PKHD1L1: variants seen among roughly 807,000 people sequenced by gnomAD.
The protein encoded by PKHD1L1 is PKHD1 like 1, also known as fibrocystin-L.
In PKHD1L1, 434 loss-of-function variants were observed where a neutral mutation model predicts 462.9. The ratio of observed to expected loss-of-function variants is 0.94; its 90% CI spans 0.87 to 1.02. The LOEUF (loss-of-function observed/expected upper bound fraction) is 1.02, where lower values mean the gene tolerates loss of function less well. Among genes scored for constraint, PKHD1L1 ranks in the 50% least tolerant of loss-of-function variants. PKHD1L1 has a pLI of 0.00. For missense variants in PKHD1L1, 5,202 were observed against 5,096.1 expected (o/e 1.02, Z -0.63); for synonymous variants, 1,781 against 1,750.0 (o/e 1.02, Z -0.44).
rs759115274 is a variant in PKHD1L1 at position 109,445,571 on chromosome 8, T to C, written c.5702T>C (p.Ile1901Thr). 5.0e-6 allele frequency: 8 copies of C among 1,611,704 alleles called. No individual in the cohort carries two copies. Among genetic ancestry groups the C allele is most frequent in the Non-Finnish European group, 6.8e-6 (8 of 1,178,718 alleles). Reference protein sequence around the residue: ...MVDVKIFVNTIAYPPLLFTYA... With the variant: ...MVDVKIFVNTTAYPPLLFTYA... ...GATGTTAAAATCTTTGTTAATACAA[T>C]TGCTTATCCACCTTTGCTTTTTACA... Residue 1901 changes from isoleucine (I) to threonine (T), a missense_variant, in exon 38 of 78, where the codon ATT becomes ACT. By Grantham distance (89) the Ile-to-Thr change is moderately conservative (BLOSUM62 -1). This residue lies in a region of PKHD1L1 where 4,497 missense variants were observed against 4,336.8 expected (regional missense o/e 1.04). Coordinates refer to ENST00000378402, the MANE Select transcript of PKHD1L1 (RefSeq NM_177531.6).
intron 43 of PKHD1L1, among the ~76,000 whole-genome samples, chr8:109,453,142 ATGT>A (rs1816633022): frequency 6.6e-6 from 1 of 152,182 alleles, no homozygotes; most frequent in Admixed American, 6.5e-5. Context: ...TTAAAGCTAA[ATGT>A]TGTTTTATGA....
chr8:109,475,850 A>AAAG (rs1817962005), intron 51 of PKHD1L1, among the ~76,000 whole-genome samples: 1 of 150,480 alleles, frequency 6.6e-6, no homozygotes, highest in African/African-American at 2.4e-5. Flanking sequence ...TCCATCTCAA[A>AAAG]AAAAAAAAAA....
intron 74 of PKHD1L1, 143 bp downstream of exon 74, chr8:109,522,480 T>C: frequency 9.4e-7 from 1 of 1,069,166 alleles, no homozygotes; most frequent in South Asian, 2.0e-5. Context: ...TTTTATAGGC[T>C]CGCTAAAATG....
chr8:109,486,875 A>G (rs1818555490), intron 59 of PKHD1L1, 54 bp downstream of exon 59: 12 of 1,483,250 alleles, frequency 8.1e-6, no homozygotes, highest in Non-Finnish European at 1.1e-5. Context: ...TATCTCATCT[A>G]TATGTAGTCA....
At chr8:109,488,220 ATAATGTGTTGGT>A (rs1181980348) in intron 59 of PKHD1L1, among the ~76,000 whole-genome samples, 6 of 151,992 alleles carry the variant, frequency 3.9e-5, no homozygotes, top group African/African-American at 1.4e-4. Flanking sequence ...AGGTTTCAAG[ATAATGTGTTGGT>A]TCCCAAGCAT....
At chr8:109,525,986 G>A (rs1820796035) in intron 76 of PKHD1L1, among the ~76,000 whole-genome samples, 1 of 152,112 alleles carries the variant, frequency 6.6e-6, no homozygotes. Flanking sequence ...AACTTACAGG[G>A]CTGTACAAGT....
chr8:109,420,782 G>A (rs2130645532), intron 23 of PKHD1L1, 92 bp downstream of exon 23: 1 of 1,002,178 alleles, frequency 1.0e-6, no homozygotes, highest in Non-Finnish European at 1.4e-6. Context: ...ATTTTAACAG[G>A]AAAAGACAGC....
intron 74 of PKHD1L1, 141 bp downstream of exon 74, chr8:109,522,478 G>A (rs371766075): frequency 1.9e-5 from 20 of 1,077,406 alleles, no homozygotes; most frequent in Middle Eastern, 3.1e-4. Context: ...CTTTTTATAG[G>A]CTCGCTAAAA....
At chr8:109,473,389 G>T (rs927966627) in intron 50 of PKHD1L1, among the ~76,000 whole-genome samples, 1 of 151,944 alleles carries the variant, frequency 6.6e-6, no homozygotes, top group Non-Finnish European at 1.5e-5. Context: ...GGTGGCACAT[G>T]CCTGTAATCC....
intron 48 of PKHD1L1, among the ~76,000 whole-genome samples, 193 bp downstream of exon 48, chr8:109,462,101 C>T (rs1817169769): frequency 6.6e-6 from 1 of 152,092 alleles, no homozygotes; most frequent in South Asian, 2.1e-4. Flanking sequence ...CACCTCGAAT[C>T]GAATTAATCA....
At chr8:109,451,290 A>C in intron 41 of PKHD1L1, 141 bp downstream of exon 41, 1 of 864,106 alleles carries the variant, frequency 1.2e-6, no homozygotes, top group East Asian at 2.8e-5. Context: ...TTAAGGCAAA[A>C]ATAGTACTAA....
intron 73 of PKHD1L1, among the ~76,000 whole-genome samples, chr8:109,521,782 G>A (rs1417429028): frequency 6.6e-6 from 1 of 152,074 alleles, no homozygotes; most frequent in Non-Finnish European, 1.5e-5. Context: ...TAATATGATC[G>A]ATTCTAACAA....
intron 70 of PKHD1L1, among the ~76,000 whole-genome samples, chr8:109,509,642 T>A (rs944728541): frequency 6.6e-6 from 1 of 151,694 alleles, no homozygotes. Context: ...ATTTTATTTA[T>A]TTTAAAAATA....
In PKHD1L1 at chr8:109,400,360, AATACT is replaced by A. The variant is rs745456779; in HGVS notation, c.1281+19_1281+23del. 68 of 1,607,450 alleles carry A rather than the reference AATACT, an allele frequency of 4.2e-5. No homozygotes were observed. Among genetic ancestry groups the A allele is most frequent in the Non-Finnish European group, 5.7e-5 (67 of 1,175,876 alleles). ...AGAAGATAAGGTAGGGAAGCCTCAG[AATACT>A]ATTTGATACTGTAAAAACATTATGG... On this transcript the variant is annotated intron_variant, in intron 13 of 77. Coordinates refer to ENST00000378402, the MANE Select transcript of PKHD1L1 (RefSeq NM_177531.6).
At chr8:109,461,713 C>T in intron 47 of PKHD1L1, 59 bp from the exon 48 acceptor site, 1 of 1,528,238 alleles carries the variant, frequency 6.5e-7, no homozygotes, top group Non-Finnish European at 8.9e-7. Context: ...ATGAGAAAAT[C>T]TTCAATATAA....
chr8:109,380,098 G>A (rs1812034803), intron 2 of PKHD1L1, among the ~76,000 whole-genome samples: 1 of 152,190 alleles, frequency 6.6e-6, no homozygotes, highest in Non-Finnish European at 1.5e-5. Flanking sequence ...ATGGCTGATA[G>A]CAAGGGGGCA....
intron 57 of PKHD1L1, among the ~76,000 whole-genome samples, 170 bp downstream of exon 57, chr8:109,483,275 T>C (rs1026810983): frequency 6.6e-6 from 1 of 151,546 alleles, no homozygotes; most frequent in Non-Finnish European, 1.5e-5. Context: ...CATTTAAAAA[T>C]TGTGGCTTCA....
At position 109,523,215 on chromosome 8, in the gene PKHD1L1, C is replaced by CTTTTT; in HGVS notation, c.12331-7_12331-3dup. The CTTTTT allele has an allele frequency of 4.2e-6, 6 of 1,442,968 alleles. No homozygotes were observed. The South Asian group carries it at 5.4e-5, about 13-fold the overall frequency. The allele number at this position is 1,442,968 out of a possible 1,614,324, so 89.4% of individuals were successfully genotyped here. ...ACAGGACAATTGTTATAATTATCTACTTTTTTTTTTTTTTTAGGGTAACTG... is the reference window on the plus strand; with the variant it reads ...ACAGGACAATTGTTATAATTATCTACTTTTTTTTTTTTTTTTTTTTAGGGTAACTG... On this transcript the variant is annotated splice_polypyrimidine_tract_variant and intron_variant, in intron 75 of 77. Coordinates refer to ENST00000378402, the MANE Select transcript of PKHD1L1 (RefSeq NM_177531.6).
Position 109,405,039 on chromosome 8 carries a change from G to C in PKHD1L1, c.1578G>C (p.Glu526Asp), listed in dbSNP as rs1477907074. 1 of 1,533,308 alleles carries C rather than the reference G, an allele frequency of 6.5e-7. No homozygotes were observed. 95.0% of individuals were successfully genotyped at this position (1,533,308 alleles called of 1,614,324 possible). A position where few individuals can be genotyped will look rare whatever the true frequency, so the allele number is the denominator to read the frequency against. ...ENWETTNAIN[E>D]VQKIKVTSPC... ...GGGAAACAACTAATGCAATTAATGA[G>C]GTTCAGAAGATCAAGGTAACCAGCC... The change falls in exon 16 of 78, where the codon GAG (glutamate) becomes GAC (aspartate). Residue 526 changes from glutamate to aspartate, a missense_variant. Physicochemically the swap from Glu to Asp is conservative, Grantham distance 45 (BLOSUM62 2). This residue lies in a region of PKHD1L1 where 4,497 missense variants were observed against 4,336.8 expected (regional missense o/e 1.04). Coordinates refer to ENST00000378402, the MANE Select transcript of PKHD1L1 (RefSeq NM_177531.6).
Sources: allele counts gnomAD v4.1 joint callset (sites outside exome capture counted in the v4.1 genomes callset), GRCh38; gene constraint gnomAD v4.1.1; regional missense constraint gnomAD v4.1.1; transcripts MANE v1.5; gene names NCBI Gene and HGNC (gene_info 2026-07-23, HGNC 2026-07-21).